The following SGCD variants were observed in gnomAD, a reference collection of about 807,000 sequenced individuals.
SGCD encodes the protein sarcoglycan delta, also known as delta-sarcoglycan.
Under a neutral mutation model 36.6 loss-of-function variants are expected in SGCD, and 18 were observed. The ratio of observed to expected loss-of-function variants is 0.49; its 90% CI spans 0.34 to 0.73. The LOEUF (loss-of-function observed/expected upper bound fraction) is 0.73, where lower values mean the gene tolerates loss of function less well. SGCD is among the 30% of genes least tolerant of loss of function. The pLI, the probability that SGCD is intolerant of heterozygous loss-of-function variation, is 0.01. For missense variants in SGCD, 387 were observed against 346.7 expected (o/e 1.12, Z -0.92); for synonymous variants, 133 against 130.6 (o/e 1.02, Z -0.12).
intron 4 of SGCD, among the ~76,000 whole-genome samples, chr5:156,548,797 A>G (rs1037258524): frequency 6.6e-6 from 1 of 152,176 alleles, no homozygotes; most frequent in African/African-American, 2.4e-5. Context: ...GGGAGGAATA[A>G]TAGGAGTCCA....
chr5:155,899,866 G>T (rs368063618), intron 1 of SGCD, among the ~76,000 whole-genome samples: 1 of 152,236 alleles, frequency 6.6e-6, no homozygotes, highest in East Asian at 1.9e-4. Flanking sequence ...CAGACAGTTC[G>T]CATGGAATTA....
At chr5:156,428,169 C>CT (rs940713459) in intron 3 of SGCD, among the ~76,000 whole-genome samples, 90 of 152,020 alleles carry the variant, frequency 5.9e-4, no homozygotes, top group Admixed American at 2.0e-3. Context: ...TGGTCCTGGA[C>CT]TTTTTTTGTT....
intron 3 of SGCD, among the ~76,000 whole-genome samples, chr5:156,485,430 A>G (rs1755616711): frequency 6.6e-6 from 1 of 152,210 alleles, no homozygotes; most frequent in Non-Finnish European, 1.5e-5. Flanking sequence ...TTGGAGGCCA[A>G]GGCAGGTGGA....
chr5:155,803,052 CA>C, the SGCD span, among the ~76,000 whole-genome samples: 4 of 152,166 alleles, frequency 2.6e-5, no homozygotes, highest in South Asian at 8.3e-4. Context: ...TAAGGCCACA[CA>C]AGCAATGGGA....
chr5:156,389,780 T>G (rs12653782), intron 3 of SGCD, among the ~76,000 whole-genome samples: 3,264 of 152,294 alleles, frequency 0.021, 199 homozygotes, highest in East Asian at 0.19. Context: ...AGAGTCTGAA[T>G]CCAGATTTCA....
At chr5:156,526,174 C>T (rs1157391335) in intron 4 of SGCD, among the ~76,000 whole-genome samples, 1 of 151,698 alleles carries the variant, frequency 6.6e-6, no homozygotes, top group East Asian at 1.9e-4. Flanking sequence ...TTTTGTTCGT[C>T]TAAGCACTAA....
chr5:156,351,049 C>T (rs1198768771), intron 3 of SGCD, among the ~76,000 whole-genome samples: 1 of 152,132 alleles, frequency 6.6e-6, no homozygotes, highest in Non-Finnish European at 1.5e-5. Flanking sequence ...TCTTTGCCAA[C>T]CCTGTGTCAT....
chr5:155,936,928 G>A (rs1457404502), intron 1 of SGCD, among the ~76,000 whole-genome samples: 3 of 152,138 alleles, frequency 2.0e-5, no homozygotes, highest in Admixed American at 6.5e-5. Flanking sequence ...GCACGGCCCC[G>A]GGTGTGCGCA....
chr5:155,786,824 A>G, the SGCD span, among the ~76,000 whole-genome samples: 2 of 152,208 alleles, frequency 1.3e-5, no homozygotes, highest in Non-Finnish European at 2.9e-5. Flanking sequence ...GCTGAATGAG[A>G]ATTAGGGAGC....
At chr5:156,751,434 G>A (rs533149694) in intron 7 of SGCD, among the ~76,000 whole-genome samples, 7 of 152,240 alleles carry the variant, frequency 4.6e-5, no homozygotes, top group Non-Finnish European at 1.0e-4. Context: ...CACAGAAAGT[G>A]CAATCCCTAT....
chr5:155,974,777 G>A (rs950575527), intron 1 of SGCD, among the ~76,000 whole-genome samples: 1 of 152,062 alleles, frequency 6.6e-6, no homozygotes, highest in Non-Finnish European at 1.5e-5. Flanking sequence ...CAAGAGTGTA[G>A]GGCGGACAGT....
At chr5:155,955,276 T>C (rs1013904189) in intron 1 of SGCD, among the ~76,000 whole-genome samples, 1 of 152,122 alleles carries the variant, frequency 6.6e-6, no homozygotes, top group African/African-American at 2.4e-5. Flanking sequence ...TCCGTAAGTA[T>C]TTGATGATTT....
In SGCD at chr5:156,185,918, G is replaced by C. The variant is rs182211494; in HGVS notation, c.-44+61899G>C. Among the ~76,000 whole-genome samples the C allele has an allele frequency of 1.4e-3, 154 of 110,294 alleles. 1 individual carries two copies. The highest frequency in any genetic ancestry group is 2.5e-3 in the Admixed American group (26 of 10,306). The allele number at this position is 110,294 out of a possible 152,430, so 72.4% of individuals were successfully genotyped here. A position where few individuals can be genotyped will look rare whatever the true frequency, so the allele number is the denominator to read the frequency against. On this transcript the variant is annotated intron_variant, in intron 3 of 9. Coordinates refer to the SGCD transcript ENST00000517913. ...GTCTCCCATATGCTTTCTTTACTGT[G>C]TTCATAATTGCTCTGTTTCAGAACT...
chr5:156,301,044 C>T (rs62380674), intron 3 of SGCD, among the ~76,000 whole-genome samples: 9,362 of 151,820 alleles, frequency 0.062, 343 homozygotes, highest in Non-Finnish European at 0.079. Context: ...ATCTATTTAG[C>T]CAGTCTATGT....
At chr5:156,185,729 C>A (rs1763726412) in intron 3 of SGCD, among the ~76,000 whole-genome samples, 1 of 150,916 alleles carries the variant, frequency 6.6e-6, no homozygotes, top group African/African-American at 2.4e-5. Flanking sequence ...CAAAAACCCT[C>A]CCCTGTGGGA....
chr5:156,135,871 T>C (rs143076886), intron 3 of SGCD, among the ~76,000 whole-genome samples: 9 of 152,310 alleles, frequency 5.9e-5, no homozygotes, highest in African/African-American at 1.7e-4. Context: ...GAAGGTTAGT[T>C]TTCAGGATCT....
intron 3 of SGCD, among the ~76,000 whole-genome samples, chr5:156,208,261 G>C (rs774840639): frequency 1.1e-4 from 17 of 152,312 alleles, no homozygotes; most frequent in Non-Finnish European, 2.2e-4. Context: ...GAGCTTGACT[G>C]TTCAAGTAAG....
chr5:155,861,081 T>TCC, the SGCD span, among the ~76,000 whole-genome samples: 3 of 152,222 alleles, frequency 2.0e-5, no homozygotes, highest in South Asian at 6.2e-4. Context: ...CATGCATATA[T>TCC]AGCTCATTTA....
At chr5:156,727,973 AGTGTGCTGGACACT>A (rs1265398796) in intron 7 of SGCD, among the ~76,000 whole-genome samples, 15 of 152,332 alleles carry the variant, frequency 9.8e-5, no homozygotes, top group Non-Finnish European at 1.5e-4. Flanking sequence ...GAAATAGCAA[AGTGTGCTGGACACT>A]GTTCTAAGTA....
Sources: gnomAD v4.1 joint callset for allele counts (sites outside exome capture counted in the v4.1 genomes callset) on GRCh38, gnomAD v4.1.1 for gene constraint, MANE v1.5 for transcripts, NCBI Gene and HGNC (gene_info 2026-07-23, HGNC 2026-07-21) for gene names.